The following NOTCH2NLR variants were observed in gnomAD, a reference collection of about 807,000 sequenced individuals.
NOTCH2NLR encodes notch 2 N-terminal like R, also known as notch 2 N-terminal like R (pseudogene).
NOTCH2NLR carries 33 observed loss-of-function variants against 35.6 expected under a neutral mutation model. That is an observed-to-expected ratio of 0.93 (90% CI 0.70 to 1.24). NOTCH2NLR has a LOEUF of 1.24. NOTCH2NLR is among the 50% of genes most tolerant of loss of function. The pLI is 0.00. For synonymous variants in NOTCH2NLR, 103 were observed against 141.0 expected (o/e 0.73, Z 1.91); for missense variants, 276 against 362.2 (o/e 0.76, Z 1.93).
In NOTCH2NLR at chr1:120,768,584, T is replaced by A. The variant is rs1414615473; in HGVS notation, c.155+4875T>A. On this transcript the variant is annotated intron_variant, in intron 2 of 4. Transcript: ENST00000624419. ...TGCACACTCTTCCTCTTCTGCTGCA[T>A]GAACTGGGGTGTACCTTCACGATAA... Among the ~76,000 whole-genome samples, 2 of 109,328 alleles carry A rather than the reference T, an allele frequency of 1.8e-5. 1 individual carries two copies. The highest frequency in any genetic ancestry group is 3.4e-5 in the Non-Finnish European group (2 of 58,914). 71.7% of individuals were successfully genotyped at this position (109,328 alleles called of 152,430 possible).
chr1:120,785,076 G>A, exon 3 of NOTCH2NLR: 1 of 1,446,186 alleles, frequency 6.9e-7, no homozygotes, highest in South Asian at 1.2e-5. Flanking sequence ...CCATGCTGGG[G>A]AAAGCCACGT....
chr1:120,791,492 T>G (rs1337680746), intron 3 of NOTCH2NLR, among the ~76,000 whole-genome samples: 1 of 89,888 alleles, frequency 1.1e-5, no homozygotes, highest in Non-Finnish European at 2.0e-5. Context: ...TTCATGTCCT[T>G]TGTAGGGACA....
At position 120,756,490 on chromosome 1, in the gene NOTCH2NLR, C is replaced by A. The variant is rs1215310117; in HGVS notation, c.74-7138C>A. 1.7e-5 allele frequency among the ~76,000 whole-genome samples: 2 copies of A among 116,798 alleles called. 1 individual carries two copies. The highest frequency in any genetic ancestry group is 3.3e-5 in the Non-Finnish European group (2 of 61,028). 76.6% of individuals were successfully genotyped at this position (116,798 alleles called of 152,430 possible). On this transcript the variant is annotated intron_variant, in intron 1 of 4. Transcript: ENST00000624419. Reference sequence around the variant, plus strand: ...GGGTCTAAGCACAGATACCACACTGCAGATAGGGAGAAGGATATGAAAAAA... The same window carrying A: ...GGGTCTAAGCACAGATACCACACTGAAGATAGGGAGAAGGATATGAAAAAA...
rs1485397533 is a variant in NOTCH2NLR, at chr1:120,724,488, G to C, written c.73+238G>C. On this transcript the variant is annotated intron_variant, in intron 1 of 4. Transcript: ENST00000624419. Reference sequence around the variant, plus strand: ...CCCCGCGGCCCGGGACCCCTCACACGCCTCCTCGGCAGGAGGGAGGCCGGC... The same window carrying C: ...CCCCGCGGCCCGGGACCCCTCACACCCCTCCTCGGCAGGAGGGAGGCCGGC... Among the ~76,000 whole-genome samples, 14 of 121,266 alleles carry C rather than the reference G, an allele frequency of 1.2e-4. 3 individuals are homozygous for C. Among genetic ancestry groups the C allele is most frequent in the Admixed American group, 6.2e-4 (8 of 13,002 alleles). The allele number at this position is 121,266 out of a possible 152,430, so 79.6% of individuals were successfully genotyped here.
chr1:120,759,511 A>G (rs1468524604), intron 1 of NOTCH2NLR, among the ~76,000 whole-genome samples: 2 of 79,858 alleles, frequency 2.5e-5, no homozygotes, highest in East Asian at 5.6e-4. Context: ...GCTGCCTTCA[A>G]TTTTATTGTT....
At chr1:120,752,554 ATTTTTTTTTTT>A (rs1188849971) in intron 1 of NOTCH2NLR, among the ~76,000 whole-genome samples, 1 of 3,744 alleles carries the variant, frequency 2.7e-4, no homozygotes, top group African/African-American at 1.7e-3. Context: ...ATATATATAT[ATTTTTTTTTTT>A]TTTTTTTTTC....
In NOTCH2NLR at chr1:120,724,333, G is replaced by A. The variant is rs1326258544; in HGVS notation, c.73+83G>A. Reference sequence around the variant, plus strand: ...CCCTTCTCCCCCTCAGTCCTTCTCTGTGTGGGAAGGCCAGGCTCGGCCGCC... The same window carrying A: ...CCCTTCTCCCCCTCAGTCCTTCTCTATGTGGGAAGGCCAGGCTCGGCCGCC... On this transcript the variant is annotated intron_variant, in intron 1 of 4. Transcript: ENST00000624419. 13 of 1,359,236 alleles carry A rather than the reference G, an allele frequency of 9.6e-6. 5 individuals are homozygous for A. In the East Asian group the frequency reaches 1.8e-4, roughly 19 times the overall value. 84.2% of individuals were successfully genotyped at this position (1,359,236 alleles called of 1,614,324 possible). A position where few individuals can be genotyped will look rare whatever the true frequency, so the allele number is the denominator to read the frequency against.
chr1:120,777,683 G>T lies in NOTCH2NLR; in HGVS notation c.156-7291G>T, dbSNP rs1474125230. Among the ~76,000 whole-genome samples, 91 of 70,162 alleles carry T rather than the reference G, an allele frequency of 1.3e-3. 27 individuals are homozygous for T. The highest frequency in any genetic ancestry group is 0.01 in the African/African-American group (87 of 8,596). The allele number at this position is 70,162 out of a possible 152,430, so 46.0% of individuals were successfully genotyped here. A position where few individuals can be genotyped will look rare whatever the true frequency, so the allele number is the denominator to read the frequency against. ...TCTTTTTTTTTTGAGAGAAGGGGGG[G>T]TTGAGAGTAGAGTGGGAATGGCAAG... is the stretch of plus-strand genomic sequence containing the variant. On this transcript the variant is annotated intron_variant, in intron 2 of 4. Transcript: ENST00000624419.
chr1:120,780,024 C>T (rs1385955169), intron 2 of NOTCH2NLR, among the ~76,000 whole-genome samples: 1 of 131,404 alleles, frequency 7.6e-6, no homozygotes, highest in Non-Finnish European at 1.6e-5. Context: ...GCCTGTTATT[C>T]TACCAGGCAG....
intron 2 of NOTCH2NLR, among the ~76,000 whole-genome samples, chr1:120,779,724 T>C (rs1651341088): frequency 8.2e-6 from 1 of 122,228 alleles, no homozygotes; most frequent in Non-Finnish European, 1.7e-5. Flanking sequence ...ATGTTTTCAC[T>C]CTCTAACCAA....
rs1227991059 is a variant in NOTCH2NLR, at chr1:120,793,203, G to T, written c.458G>T (p.Cys153Phe). ...ACCGATGCCTGCCTGTCTCATCTCT[G>T]TGCAAATGGAAGTACCTGTACCACT... Residue 153 changes from cysteine to phenylalanine, a missense_variant, in exon 4 of 5, where the codon TGT (cysteine) becomes TTT (phenylalanine). By Grantham distance (205) the Cys-to-Phe change is radical. Transcript: ENST00000624419. 7 of 1,442,048 alleles carry T rather than the reference G, an allele frequency of 4.9e-6. 2 individuals carry two copies. Among genetic ancestry groups the T allele is most frequent in the Middle Eastern group, 3.5e-4 (2 of 5,648 alleles). 89.3% of individuals were successfully genotyped at this position (1,442,048 alleles called of 1,614,324 possible). A position where few individuals can be genotyped will look rare whatever the true frequency, so the allele number is the denominator to read the frequency against.
At chr1:120,728,955 C>T (rs1365271050) in intron 1 of NOTCH2NLR, among the ~76,000 whole-genome samples, 1 of 114,008 alleles carries the variant, frequency 8.8e-6, no homozygotes, top group Admixed American at 8.4e-5. Context: ...AGGGCCAGGT[C>T]TGTGCTACAC....
At chr1:120,750,733 A>G (rs1286984684) in intron 1 of NOTCH2NLR, among the ~76,000 whole-genome samples, 1 of 113,632 alleles carries the variant, frequency 8.8e-6, no homozygotes, top group Non-Finnish European at 1.7e-5. Flanking sequence ...GGCACACATA[A>G]AAACTCACTG....
rs1169183776 is a variant in NOTCH2NLR at position 120,782,660 on chromosome 1, CA to C, written c.156-2313del. Among the ~76,000 whole-genome samples, 2 of 88,018 alleles carry C rather than the reference CA, an allele frequency of 2.3e-5. 1 individual carries two copies. The allele number at this position is 88,018 out of a possible 152,430, so 57.7% of individuals were successfully genotyped here. On this transcript the variant is annotated intron_variant, in intron 2 of 4. Transcript: ENST00000624419. Reference sequence around the variant, plus strand: ...TCAGAATGTCATTCCTTTTCATGGCCACATATTTCATTTATGGATATACCAC... The same window carrying C: ...TCAGAATGTCATTCCTTTTCATGGCCCATATTTCATTTATGGATATACCAC...
chr1:120,793,093 G>T, intron 3 of NOTCH2NLR, 68 bp from the exon 4 acceptor site: 1 of 694,382 alleles, frequency 1.4e-6, no homozygotes. Flanking sequence ...TGATGTCAAT[G>T]AGGTATTGAG....
rs1350670767 is a variant in NOTCH2NLR at position 120,751,630 on chromosome 1, T to C, written c.74-11998T>C. On this transcript the variant is annotated intron_variant, in intron 1 of 4. Coordinates refer to ENST00000624419, the Ensembl canonical transcript of NOTCH2NLR. ...CGCTTGCTCTTTCTCTCTTCCCTTT[T>C]CTTTCCTTTCCTTTCCTTTCCTTTC... Among the ~76,000 whole-genome samples the C allele has an allele frequency of 1.3e-4, 8 of 59,612 alleles. 3 individuals are homozygous for C. In the East Asian group the frequency reaches 2.2e-3, roughly 16 times the overall value. 39.1% of individuals were successfully genotyped at this position (59,612 alleles called of 152,430 possible).
intron 2 of NOTCH2NLR, among the ~76,000 whole-genome samples, chr1:120,765,121 A>T (rs1457052492): frequency 8.5e-6 from 1 of 118,010 alleles, no homozygotes; most frequent in African/African-American, 4.5e-5. Flanking sequence ...TAAAGGTTTT[A>T]TGTAGCTTAT....
chr1:120,769,003 CTT>C (rs1358371538), intron 2 of NOTCH2NLR, among the ~76,000 whole-genome samples: 2 of 117,426 alleles, frequency 1.7e-5, no homozygotes, highest in African/African-American at 4.0e-5. Context: ...TAAAATATAA[CTT>C]TGTGTCACAT....
At position 120,781,709 on chromosome 1, in the gene NOTCH2NLR, G is replaced by A. The variant is rs1429974735; in HGVS notation, c.156-3265G>A. ...CTCCCGAGTAGCTGGGACTACAGGC[G>A]CCTGCCACCACGCCTGGCTAATTTT... On this transcript the variant is annotated intron_variant, in intron 2 of 4. Coordinates refer to ENST00000624419, the Ensembl canonical transcript of NOTCH2NLR. Among the ~76,000 whole-genome samples, 72 of 82,896 alleles carry A rather than the reference G, an allele frequency of 8.7e-4. 14 individuals are homozygous for A. Among genetic ancestry groups the A allele is most frequent in the African/African-American group, 4.9e-3 (53 of 10,736 alleles). The allele number at this position is 82,896 out of a possible 152,430, so 54.4% of individuals were successfully genotyped here. A position where few individuals can be genotyped will look rare whatever the true frequency, so the allele number is the denominator to read the frequency against.
Sources: allele counts gnomAD v4.1 joint callset (sites outside exome capture counted in the v4.1 genomes callset), GRCh38; gene constraint gnomAD v4.1.1; transcripts MANE v1.5; gene names NCBI Gene and HGNC (gene_info 2026-07-23, HGNC 2026-07-21).